The following KDM3A variants were observed in gnomAD, a reference collection of about 807,000 sequenced individuals.
KDM3A encodes the protein lysine-specific demethylase 3A.
Under a neutral mutation model 158.0 loss-of-function variants are expected in KDM3A, and 60 were observed. The observed-to-expected ratio is 0.38, with a 90% CI of 0.31 to 0.47. KDM3A has a LOEUF of 0.47. Ranked by LOEUF, KDM3A falls within the 20% of genes least tolerant of loss-of-function variation. The pLI, the probability that KDM3A is intolerant of heterozygous loss-of-function variation, is 0.99. For missense variants in KDM3A, 1,319 were observed against 1,574.3 expected, an observed-to-expected ratio of 0.84 and a Z score of 2.74; for synonymous variants, 608 against 549.3, an observed-to-expected ratio of 1.11 and a Z score of -1.49.
Position 86,442,241 on chromosome 2 carries a change from C to T in KDM3A, c.186+8C>T. ...ACCAAGAAGGATCTGAAGGTACAGG[C>T]GGCTCCGGGCCTCTGCCACCGGACG... On this transcript the variant is annotated splice_region_variant and intron_variant, in intron 2 of 25. Coordinates refer to ENST00000312912, the MANE Select transcript of KDM3A (RefSeq NM_018433.6). The T allele has an allele frequency of 1.9e-6, 3 of 1,595,074 alleles. No individual in the cohort carries two copies. The highest frequency in any genetic ancestry group is 2.6e-6 in the Non-Finnish European group (3 of 1,166,946).
chr2:86,465,776 G>A (rs1003653158), intron 9 of KDM3A, among the ~76,000 whole-genome samples: 1 of 151,880 alleles, frequency 6.6e-6, no homozygotes, highest in Admixed American at 6.6e-5. Context: ...TTTTATATAC[G>A]TATATATTTT....
intron 21 of KDM3A, among the ~76,000 whole-genome samples, 177 bp downstream of exon 21, chr2:86,486,036 T>G (rs895325810): frequency 2.0e-5 from 3 of 152,334 alleles, no homozygotes; most frequent in African/African-American, 7.2e-5. Flanking sequence ...TGTGTTTCTT[T>G]TCATAGTTGC....
At chr2:86,465,931 T>A (rs1257628151) in intron 9 of KDM3A, among the ~76,000 whole-genome samples, 1 of 110,294 alleles carries the variant, frequency 9.1e-6, no homozygotes, top group Non-Finnish European at 1.8e-5. Context: ...TCTCTGAAAT[T>A]TACACACAAA....
intron 5 of KDM3A, among the ~76,000 whole-genome samples, chr2:86,455,671 AC>A (rs1672658862): frequency 6.6e-6 from 1 of 152,176 alleles, no homozygotes. Context: ...AGGGCCAGGC[AC>A]AGTGGCTCAA....
chr2:86,451,754 A>G (rs948061679), intron 4 of KDM3A, among the ~76,000 whole-genome samples: 1 of 152,188 alleles, frequency 6.6e-6, no homozygotes, highest in Non-Finnish European at 1.5e-5. Flanking sequence ...GGTGTTAGAC[A>G]TCATTCCTCA....
intron 12 of KDM3A, 86 bp from the exon 13 acceptor site, chr2:86,477,791 G>A (rs1160980447): frequency 1.6e-6 from 2 of 1,255,398 alleles, no homozygotes; most frequent in African/African-American, 3.0e-5. Flanking sequence ...TAGTCACAGG[G>A]AGGAATGACA....
chr2:86,437,838 C>T (rs569618038), upstream of KDM3A, among the ~76,000 whole-genome samples: 278 of 152,092 alleles, frequency 1.8e-3, no homozygotes, highest in Non-Finnish European at 3.5e-3. Flanking sequence ...TTTTGATTTT[C>T]GTTTGTTGAT....
chr2:86,449,854 A>G lies in KDM3A; in HGVS notation c.234A>G (p.Ile78Met), dbSNP rs1672367700. The change falls in exon 3 of 26, where the codon ATA becomes ATG. Residue 78 changes from isoleucine to methionine, a missense_variant. Around this residue, in one of 4 missense-constraint regions of KDM3A, gnomAD observed 652 missense variants for 627.2 expected, o/e 1.04. Transcript: ENST00000312912. The part of the protein sequence containing the change: ...DGESWRKRRW[I>M]EVYSLLRRAF... ...AATCTTGGAGGAAAAGAAGATGGAT[A>G]GAAGTCTACAGCCTTCTAAGGAGAG... 6.2e-7 allele frequency: 1 copy of G among 1,613,712 alleles called. No individual in the cohort carries two copies. Among genetic ancestry groups the G allele is most frequent in the South Asian group, 1.1e-5 (1 of 91,044 alleles).
intron 9 of KDM3A, among the ~76,000 whole-genome samples, chr2:86,465,211 T>G (rs1027185121): frequency 6.6e-6 from 1 of 152,172 alleles, no homozygotes; most frequent in Admixed American, 6.5e-5. Flanking sequence ...CTATCCCTAG[T>G]AAGATGTACA....
chr2:86,466,764 G>C lies in KDM3A; in HGVS notation c.1400G>C (p.Cys467Ser). ...AGVNSDSPNN[C>S]SGKKVEPSAL... ...GTCAATAGTGATAGCCCTAATAACT[G>C]TTCAGGAAAAAAGGTAGAACCTTCA... Residue 467 changes from cysteine (C) to serine (S), a missense_variant, in exon 10 of 26, where the codon TGT (cysteine) becomes TCT (serine). Transcript: ENST00000312912. 2.5e-6 allele frequency: 4 copies of C among 1,613,504 alleles called. No homozygotes were observed. Among genetic ancestry groups the C allele is most frequent in the African/African-American group, 1.3e-5 (1 of 74,974 alleles).
chr2:86,457,975 C>G (rs899755290), intron 8 of KDM3A, among the ~76,000 whole-genome samples: 10 of 152,174 alleles, frequency 6.6e-5, no homozygotes, highest in African/African-American at 2.4e-4. Flanking sequence ...AAATAACTTT[C>G]TGGCACCTTA....
intron 16 of KDM3A, 23 bp downstream of exon 16, chr2:86,480,385 T>C: frequency 6.3e-7 from 1 of 1,594,234 alleles, no homozygotes; most frequent in South Asian, 1.1e-5. Flanking sequence ...TGCTTTTGTG[T>C]TTGTTCTTGA....
upstream of KDM3A, among the ~76,000 whole-genome samples, chr2:86,439,171 C>T (rs1682548764): frequency 6.6e-6 from 1 of 151,914 alleles, no homozygotes; most frequent in African/African-American, 2.4e-5. Flanking sequence ...TTTAAAAATA[C>T]TCTTAAGATC....
rs1672457704 is a variant in KDM3A, at chr2:86,451,292, C to T, written c.453+79C>T. On this transcript the variant is annotated intron_variant, in intron 4 of 25. Transcript: ENST00000312912. ...ACATGAGAAGTAAAGTACAGTTGAACCTTAAATAGTGTGGGTATTATGGAT... is the reference window on the plus strand; with the variant it reads ...ACATGAGAAGTAAAGTACAGTTGAATCTTAAATAGTGTGGGTATTATGGAT... 3 of 868,810 alleles carry T rather than the reference C, an allele frequency of 3.5e-6. No individual in the cohort carries two copies. The East Asian group carries it at 7.8e-5, about 22-fold the overall frequency. 53.8% of individuals were successfully genotyped at this position (868,810 alleles called of 1,614,324 possible).
At chr2:86,450,957 A>G in intron 3 of KDM3A, 146 bp from the exon 4 acceptor site, 2 of 563,980 alleles carry the variant, frequency 3.5e-6, no homozygotes, top group Non-Finnish European at 6.3e-6. Flanking sequence ...CTATGGCTGC[A>G]TAAATAGTTG....
intron 11 of KDM3A, among the ~76,000 whole-genome samples, chr2:86,473,502 C>CGA (rs1673507939): frequency 6.6e-6 from 1 of 152,072 alleles, no homozygotes; most frequent in South Asian, 2.1e-4. Context: ...CGAAGCACTT[C>CGA]AGGAGACCAA....
Position 86,491,127 on chromosome 2 carries a change from T to C in KDM3A, c.3751-14T>C. 1 of 1,613,916 alleles carries C rather than the reference T, an allele frequency of 6.2e-7. No individual in the cohort carries two copies. The highest frequency in any genetic ancestry group is 8.5e-7 in the Non-Finnish European group (1 of 1,179,820). Reference sequence around the variant, plus strand: ...TTTGGGTTTGTTACTGATATATTACTTGGTGTTTTTCAGGTTCATAACTTA... The same window carrying C: ...TTTGGGTTTGTTACTGATATATTACCTGGTGTTTTTCAGGTTCATAACTTA... On this transcript the variant is annotated splice_polypyrimidine_tract_variant and intron_variant, in intron 24 of 25. Coordinates refer to ENST00000312912, the MANE Select transcript of KDM3A (RefSeq NM_018433.6).
At position 86,470,319 on chromosome 2, in the gene KDM3A, A is replaced by G. The variant is rs1218804308; in HGVS notation, c.1635A>G (p.Lys545=). 39 of 1,613,992 alleles carry G rather than the reference A, an allele frequency of 2.4e-5. No individual in the cohort carries two copies. Among genetic ancestry groups the G allele is most frequent in the Non-Finnish European group, 3.1e-5 (36 of 1,179,998 alleles). The change falls in exon 11 of 26, where the codon AAA becomes AAG. Residue 545 remains lysine (K), a synonymous_variant. Transcript: ENST00000312912. ...SCVNIVAQLP[K]CRECRLDSLR... ...TGAACATCGTGGCACAGTTGCCTAA[A>G]TGCCGAGAGTGTCGCTTGGACAGTC... is the stretch of plus-strand genomic sequence containing the variant.
intron 15 of KDM3A, chr2:86,479,903 A>AG (rs1673839674): frequency 1.1e-5 from 5 of 463,012 alleles, no homozygotes; most frequent in Non-Finnish European, 2.0e-5. Context: ...ATAGAGTAAT[A>AG]GGGATATGTA....
Sources: allele counts gnomAD v4.1 joint callset (sites outside exome capture counted in the v4.1 genomes callset), GRCh38; gene constraint gnomAD v4.1.1; regional missense constraint gnomAD v4.1.1; transcripts MANE v1.5; gene names NCBI Gene and HGNC (gene_info 2026-07-23, HGNC 2026-07-21).